The following PRKG1 variants were observed in gnomAD, a reference collection of about 807,000 sequenced individuals.
PRKG1 encodes cGMP-dependent protein kinase 1.
In PRKG1, 35 loss-of-function variants were observed where a neutral mutation model predicts 88.1. The observed-to-expected ratio is 0.40, with a 90% CI of 0.30 to 0.53. The LOEUF (loss-of-function observed/expected upper bound fraction) is 0.53. Among genes scored for constraint, PRKG1 ranks in the 20% least tolerant of loss-of-function variants. The pLI is 0.59. For missense variants in PRKG1, 540 were observed against 839.8 expected (o/e 0.64, Z 4.41); for synonymous variants, 303 against 292.5 (o/e 1.04, Z -0.37).
At chr10:52,041,200 T>A (rs1845748651) in intron 5 of PRKG1, among the ~76,000 whole-genome samples, 3 of 152,178 alleles carry the variant, frequency 2.0e-5, no homozygotes, top group Non-Finnish European at 4.4e-5. Flanking sequence ...ATGTTGAATT[T>A]TGTCAAATGC....
At chr10:51,724,869 C>CTTTTTT (rs556620255) in intron 3 of PRKG1, among the ~76,000 whole-genome samples, 1 of 110,780 alleles carries the variant, frequency 9.0e-6, no homozygotes, top group Non-Finnish European at 1.8e-5. Context: ...AATTTTTGTA[C>CTTTTTT]TTTTTTTTTT....
chr10:51,852,308 TTG>T (rs201406599), intron 4 of PRKG1, among the ~76,000 whole-genome samples: 6 of 149,050 alleles, frequency 4.0e-5, no homozygotes, highest in African/African-American at 5.0e-5. Flanking sequence ...CTCCAACAGG[TTG>T]TGTGTGTGTG....
At chr10:52,144,102 G>A (rs1162216664) in intron 8 of PRKG1, among the ~76,000 whole-genome samples, 1 of 152,142 alleles carries the variant, frequency 6.6e-6, no homozygotes, top group Non-Finnish European at 1.5e-5. Context: ...GTTTGAGTAG[G>A]TATATTACAA....
intron 1 of PRKG1, among the ~76,000 whole-genome samples, chr10:51,093,449 A>G (rs1294228925): frequency 1.3e-5 from 2 of 152,066 alleles, no homozygotes; most frequent in Non-Finnish European, 2.9e-5. Context: ...CTTTGCTAGT[A>G]CTTGGCTTGT....
chr10:51,426,360 G>A (rs957199281), intron 2 of PRKG1, among the ~76,000 whole-genome samples: 1 of 152,152 alleles, frequency 6.6e-6, no homozygotes, highest in Non-Finnish European at 1.5e-5. Context: ...GGTTAGATAT[G>A]TACCCAAGCA....
intron 5 of PRKG1, chr10:51,908,616 C>T (rs1401774560): frequency 1.3e-5 from 2 of 151,686 alleles, no homozygotes; most frequent in Non-Finnish European, 2.9e-5. Flanking sequence ...AAAGAAGCTG[C>T]TACAATAATC....
intron 3 of PRKG1, among the ~76,000 whole-genome samples, chr10:51,662,692 A>G (rs1356078428): frequency 1.3e-5 from 2 of 152,214 alleles, no homozygotes; most frequent in African/African-American, 4.8e-5. Context: ...GGAGAAAAGT[A>G]TAAAAGGAGC....
chr10:51,487,837 G>A (rs1368380294), intron 3 of PRKG1, among the ~76,000 whole-genome samples: 2 of 152,110 alleles, frequency 1.3e-5, no homozygotes, highest in Non-Finnish European at 2.9e-5. Context: ...CAGTTATCCT[G>A]AATATATACT....
intron 12 of PRKG1, among the ~76,000 whole-genome samples, chr10:52,276,847 T>C (rs937603130): frequency 6.6e-6 from 1 of 152,222 alleles, no homozygotes. Flanking sequence ...GCTTTCAAGA[T>C]GTCTATTTTA....
At chr10:51,261,586 G>C (rs1361381569) in intron 2 of PRKG1, among the ~76,000 whole-genome samples, 1 of 152,164 alleles carries the variant, frequency 6.6e-6, no homozygotes, top group Non-Finnish European at 1.5e-5. Context: ...ATTTATGCCA[G>C]GTAAAGATCA....
intron 3 of PRKG1, among the ~76,000 whole-genome samples, chr10:51,484,449 G>A (rs1337601691): frequency 6.6e-6 from 1 of 152,044 alleles, no homozygotes; most frequent in African/African-American, 2.4e-5. Context: ...ACTAATTTTT[G>A]TATTTTTGGT....
At chr10:51,319,862 G>A (rs1040033084) in intron 2 of PRKG1, 2 of 155,724 alleles carry the variant, frequency 1.3e-5, no homozygotes, top group African/African-American at 4.8e-5. Context: ...CCAAGACTCT[G>A]AAAAAGTTTG....
At chr10:51,964,201 T>C (rs1378544730) in intron 5 of PRKG1, among the ~76,000 whole-genome samples, 2 of 152,192 alleles carry the variant, frequency 1.3e-5, no homozygotes, top group Admixed American at 1.3e-4. Context: ...TTGGGTTCAC[T>C]GGATAATTCA....
At chr10:51,561,086 A>T (rs1421415903) in intron 3 of PRKG1, among the ~76,000 whole-genome samples, 2 of 151,956 alleles carry the variant, frequency 1.3e-5, no homozygotes, top group Non-Finnish European at 2.9e-5. Flanking sequence ...GTATCTAAAA[A>T]AAAGAAGAAA....
chr10:51,782,514 A>G (rs1164562477), intron 3 of PRKG1, among the ~76,000 whole-genome samples: 4 of 152,136 alleles, frequency 2.6e-5, no homozygotes, highest in African/African-American at 9.7e-5. Flanking sequence ...ACTTGCCCCA[A>G]ATCACACAGC....
chr10:51,353,263 A>G (rs1487991540), intron 2 of PRKG1, among the ~76,000 whole-genome samples: 1 of 152,184 alleles, frequency 6.6e-6, no homozygotes, highest in Admixed American at 6.6e-5. Flanking sequence ...AATACCACAC[A>G]AACACAGGCA....
rs546061300 is a variant in PRKG1, at chr10:51,695,857, T to C, written c.593-108728T>C. 1.2e-4 allele frequency: 19 copies of C among 152,306 alleles called. 1 individual carries two copies. In the South Asian group the frequency reaches 2.1e-3, roughly 17 times the overall value. The allele number at this position is 152,306 out of a possible 1,614,324, so 9.4% of individuals were successfully genotyped here. On this transcript the variant is annotated intron_variant, in intron 3 of 17. Transcript: ENST00000373980. ...ACTCAATTTCTACATTTTCAGCTCT[T>C]TGTATTAAACATTTTTTCATCTGTA... is the stretch of plus-strand genomic sequence containing the variant.
At chr10:51,495,391 G>A (rs1463398677) in intron 3 of PRKG1, among the ~76,000 whole-genome samples, 5 of 152,146 alleles carry the variant, frequency 3.3e-5, no homozygotes, top group Non-Finnish European at 5.9e-5. Context: ...CACCGCACCC[G>A]ACCCTGAATC....
chr10:52,210,037 G>A (rs1839926336), intron 9 of PRKG1, among the ~76,000 whole-genome samples: 1 of 152,102 alleles, frequency 6.6e-6, no homozygotes, highest in Admixed American at 6.6e-5. Context: ...AATGGAAGGA[G>A]CAATTATCCA....
Sources: allele counts gnomAD v4.1 joint callset (sites outside exome capture counted in the v4.1 genomes callset), GRCh38; gene constraint gnomAD v4.1.1; transcripts MANE v1.5; gene names NCBI Gene and HGNC (gene_info 2026-07-23, HGNC 2026-07-21).